Variants in ADCK1 observed in about 807,000 individuals in gnomAD.
ADCK1 encodes aarF domain-containing protein kinase 1.
In ADCK1, 41 loss-of-function variants were observed where a neutral mutation model predicts 52.3. The observed-to-expected ratio is 0.78, with a 90% CI of 0.61 to 1.02. The LOEUF (loss-of-function observed/expected upper bound fraction) is 1.02. Among genes scored for constraint, ADCK1 ranks in the 50% least tolerant of loss-of-function variants. ADCK1 has a pLI of 0.00. For synonymous variants in ADCK1, 250 were observed against 274.6 expected (o/e 0.91, Z 0.89); for missense variants, 658 against 679.5 (o/e 0.97, Z 0.35).
chr14:77,875,206 AC>A (rs2082871957), intron 4 of ADCK1, among the ~76,000 whole-genome samples: 1 of 152,082 alleles, frequency 6.6e-6, no homozygotes, highest in Admixed American at 6.5e-5. Flanking sequence ...GCAGATGGAA[AC>A]CACAGGACTC....
chr14:77,859,897 A>G (rs1385583904), intron 4 of ADCK1, among the ~76,000 whole-genome samples: 2 of 152,182 alleles, frequency 1.3e-5, no homozygotes, highest in East Asian at 1.9e-4. Flanking sequence ...TTGTTTCCCT[A>G]CGCTCTGGTC....
At position 77,933,265 on chromosome 14, in the gene ADCK1, C is replaced by G. The variant is rs1472622343; in HGVS notation, c.1446C>G (p.Ile482Met). 6.2e-7 allele frequency: 1 copy of G among 1,614,216 alleles called. No individual in the cohort carries two copies. The highest frequency in any genetic ancestry group is 1.1e-5 in the South Asian group (1 of 91,086). The stretch of plus-strand genomic sequence containing the variant: ...GTTCATTCTTCAGAAGGACCCAGAT[C>G]TCTTTCAGCGAGGCCTTCAACTTAT... ...NTCSFFRRTQ[I>M]SFSEAFNLWQ... Residue 482 changes from isoleucine to methionine, a missense_variant, in exon 11 of 11, where the codon ATC (isoleucine) becomes ATG (methionine). Transcript: ENST00000238561.
rs117803094 is a variant in ADCK1 at position 77,886,569 on chromosome 14, G to A, written c.424-522G>A. ...GTCCCCCTTCCTCTGTATGCCTACCGTGAATGTCCAGCAGTGGAGGACCAG... is the reference window on the plus strand; with the variant it reads ...GTCCCCCTTCCTCTGTATGCCTACCATGAATGTCCAGCAGTGGAGGACCAG... On this transcript the variant is annotated intron_variant, in intron 4 of 10. Coordinates refer to ENST00000238561, the MANE Select transcript of ADCK1 (RefSeq NM_020421.4). Among the ~76,000 whole-genome samples, 45 of 152,236 alleles carry A rather than the reference G, an allele frequency of 3.0e-4. No individual in the cohort carries two copies. In the East Asian group the frequency reaches 6.6e-3, roughly 22 times the overall value.
chr14:77,818,382 A>C (rs2081508881), intron 1 of ADCK1, among the ~76,000 whole-genome samples: 1 of 151,630 alleles, frequency 6.6e-6, no homozygotes, highest in African/African-American at 2.4e-5. Context: ...CCCGGGCTCA[A>C]ACCATCCTCC....
chr14:77,858,075 A>T (rs998920115), intron 3 of ADCK1, among the ~76,000 whole-genome samples: 3 of 151,678 alleles, frequency 2.0e-5, no homozygotes, highest in African/African-American at 7.3e-5. Flanking sequence ...AATTAAGGCT[A>T]CTCTGTCCTA....
chr14:77,831,420 T>A (rs2081846958), intron 3 of ADCK1, among the ~76,000 whole-genome samples: 1 of 152,160 alleles, frequency 6.6e-6, no homozygotes, highest in African/African-American at 2.4e-5. Context: ...GGGAGGTAGC[T>A]GTAAATTTGC....
At chr14:77,807,008 C>A (rs1176039397) in intron 1 of ADCK1, among the ~76,000 whole-genome samples, 1 of 151,452 alleles carries the variant, frequency 6.6e-6, no homozygotes, top group Non-Finnish European at 1.5e-5. Flanking sequence ...AGCCACTGCG[C>A]CCGGCCTAAG....
intron 1 of ADCK1, among the ~76,000 whole-genome samples, chr14:77,801,475 A>C (rs567781749): frequency 6.6e-6 from 1 of 152,166 alleles, no homozygotes; most frequent in Non-Finnish European, 1.5e-5. Flanking sequence ...AATGTAGTCT[A>C]TACTTGTCAT....
Position 77,872,394 on chromosome 14 carries a change from C to T in ADCK1, c.423+13115C>T, listed in dbSNP as rs561367272. Among the ~76,000 whole-genome samples, 8 of 152,320 alleles carry T rather than the reference C, an allele frequency of 5.3e-5. No individual in the cohort carries two copies. In the South Asian group the frequency reaches 1.5e-3, roughly 28 times the overall value. The stretch of plus-strand genomic sequence containing the variant: ...TGTCTGCGAGGTTGGGCGGGGCCAG[C>T]ACCTTTCCTCTGACCGCACATCTTG... On this transcript the variant is annotated intron_variant, in intron 4 of 10. Transcript: ENST00000238561.
chr14:77,857,736 C>T (rs114062425), intron 3 of ADCK1, among the ~76,000 whole-genome samples: 1,751 of 152,334 alleles, frequency 0.011, 37 homozygotes, highest in African/African-American at 0.04. Flanking sequence ...TTATTTAACT[C>T]CTCGCATGAT....
At chr14:77,847,319 C>T (rs2082191772) in intron 3 of ADCK1, among the ~76,000 whole-genome samples, 1 of 152,094 alleles carries the variant, frequency 6.6e-6, no homozygotes, top group Non-Finnish European at 1.5e-5. Context: ...ACCTGTAATC[C>T]CAGCACTTTG....
At chr14:77,833,363 G>A (rs948206948) in intron 3 of ADCK1, among the ~76,000 whole-genome samples, 5 of 152,154 alleles carry the variant, frequency 3.3e-5, no homozygotes, top group African/African-American at 1.2e-4. Context: ...TGCTGCTTTT[G>A]TTTGTCATCA....
chr14:77,918,969 C>A (rs921414510), intron 7 of ADCK1, among the ~76,000 whole-genome samples: 2 of 152,198 alleles, frequency 1.3e-5, no homozygotes, highest in African/African-American at 4.8e-5. Context: ...AAACCTTAGT[C>A]TCTTATTCCT....
intron 7 of ADCK1, 24 bp downstream of exon 7, chr14:77,907,943 C>T: frequency 1.2e-6 from 2 of 1,604,888 alleles, no homozygotes; most frequent in Non-Finnish European, 1.7e-6. Context: ...CTCAGGGCTG[C>T]TGTGCCGGGG....
At chr14:77,862,970 A>T (rs912158836) in intron 4 of ADCK1, among the ~76,000 whole-genome samples, 1 of 152,146 alleles carries the variant, frequency 6.6e-6, no homozygotes, top group African/African-American at 2.4e-5. Context: ...GAGGAGGTGG[A>T]TGTTGGAGGA....
At chr14:77,868,987 G>A (rs1417550079) in intron 4 of ADCK1, among the ~76,000 whole-genome samples, 1 of 152,152 alleles carries the variant, frequency 6.6e-6, no homozygotes, top group Non-Finnish European at 1.5e-5. Context: ...GCGGGTTCCT[G>A]GTGGTGGGGG....
intron 4 of ADCK1, among the ~76,000 whole-genome samples, chr14:77,869,622 G>T (rs60021537): frequency 0.062 from 9,370 of 152,248 alleles, 346 homozygotes; most frequent in Middle Eastern, 0.12. Context: ...CAACAGATGG[G>T]TGCATTAGGT....
rs533856687 is a variant in ADCK1, at chr14:77,853,066, C to T, written c.220-6010C>T. Among the ~76,000 whole-genome samples, 6 of 142,496 alleles carry T rather than the reference C, an allele frequency of 4.2e-5. No individual in the cohort carries two copies. The Admixed American group carries it at 4.3e-4, about 10-fold the overall frequency. 93.5% of individuals were successfully genotyped at this position (142,496 alleles called of 152,430 possible). A position where few individuals can be genotyped will look rare whatever the true frequency, so the allele number is the denominator to read the frequency against. ...CATGCCTGGCCTGATATTTTTTTCCCCCTGCAATGTCTAATCTGCCATTAA... is the reference window on the plus strand; with the variant it reads ...CATGCCTGGCCTGATATTTTTTTCCTCCTGCAATGTCTAATCTGCCATTAA... On this transcript the variant is annotated intron_variant, in intron 3 of 10. Transcript: ENST00000238561.
intron 6 of ADCK1, chr14:77,900,507 G>C (rs2083511038): frequency 2.3e-6 from 1 of 433,712 alleles, no homozygotes; most frequent in Non-Finnish European, 4.6e-6. Flanking sequence ...GAATCGCTTG[G>C]ACCCAGGAGG....
Sources: allele counts gnomAD v4.1 joint callset (sites outside exome capture counted in the v4.1 genomes callset), GRCh38; gene constraint gnomAD v4.1.1; transcripts MANE v1.5; gene names NCBI Gene and HGNC (gene_info 2026-07-23, HGNC 2026-07-21).